NUP214: variants seen among roughly 807,000 people sequenced by gnomAD.
The protein encoded by NUP214 is nucleoporin 214.
In NUP214, 79 loss-of-function variants were observed where a neutral mutation model predicts 196.2. That is an observed-to-expected ratio of 0.40 (90% CI 0.34 to 0.49). The LOEUF (loss-of-function observed/expected upper bound fraction) is 0.49. Ranked by LOEUF, NUP214 falls within the 20% of genes least tolerant of loss-of-function variation. The pLI, the probability that NUP214 is intolerant of heterozygous loss-of-function variation, is 0.58. For missense variants in NUP214, 2,468 were observed against 2,539.0 expected (o/e 0.97, Z 0.60); for synonymous variants, 1,020 against 990.5 (o/e 1.03, Z -0.56).
intron 11 of NUP214, among the ~76,000 whole-genome samples, chr9:131,143,780 T>C (rs756595319): frequency 6.6e-6 from 1 of 152,160 alleles, no homozygotes; most frequent in Non-Finnish European, 1.5e-5. Context: ...AGCTATTTTT[T>C]ACACAAATCT....
chr9:131,218,582 A>C (rs1247429505), intron 31 of NUP214, among the ~76,000 whole-genome samples: 17 of 131,502 alleles, frequency 1.3e-4, no homozygotes, highest in African/African-American at 2.7e-4. Context: ...CAACCCCCGC[A>C]CTCCCCGCCC....
chr9:131,208,622 A>G (rs905239083), intron 30 of NUP214, among the ~76,000 whole-genome samples: 2 of 152,154 alleles, frequency 1.3e-5, no homozygotes, highest in African/African-American at 4.8e-5. Flanking sequence ...GCATGAACCC[A>G]GGAGGCAGAG....
At chr9:131,188,978 A>G (rs766359524) in intron 25 of NUP214, 75 bp from the exon 26 acceptor site, 33 of 1,009,224 alleles carry the variant, frequency 3.3e-5, no homozygotes, top group Non-Finnish European at 4.8e-5. Flanking sequence ...TTTTGTGTTT[A>G]CATTTTACAT....
chr9:131,221,024 A>G (rs761465911), intron 31 of NUP214, among the ~76,000 whole-genome samples: 2 of 152,216 alleles, frequency 1.3e-5, no homozygotes, highest in East Asian at 1.9e-4. Flanking sequence ...CATTGCTAGC[A>G]CTAACAAAGT....
intron 7 of NUP214, among the ~76,000 whole-genome samples, chr9:131,134,398 T>A (rs1364009007): frequency 1.3e-5 from 2 of 152,190 alleles, no homozygotes; most frequent in African/African-American, 4.8e-5. Flanking sequence ...TTGAAAAAGA[T>A]GTCTTGTTTT....
intron 11 of NUP214, among the ~76,000 whole-genome samples, chr9:131,142,213 G>A (rs1161167347): frequency 2.0e-5 from 3 of 152,190 alleles, no homozygotes. Flanking sequence ...TCTGTAATAA[G>A]CAGAGCAGCC....
intron 6 of NUP214, 92 bp from the exon 7 acceptor site, chr9:131,133,014 T>TA (rs1254078599): frequency 6.4e-6 from 6 of 930,548 alleles, no homozygotes; most frequent in African/African-American, 5.0e-5. Context: ...ATTTTTTTTT[T>TA]ATCCATAGTG....
chr9:131,200,081 A>G (rs1054968416), intron 29 of NUP214, among the ~76,000 whole-genome samples: 2 of 152,238 alleles, frequency 1.3e-5, no homozygotes, highest in Non-Finnish European at 2.9e-5. Flanking sequence ...AGTCCGTATC[A>G]CTACCACACC....
chr9:131,129,473 C>T lies in NUP214; in HGVS notation c.588C>T (p.Thr196=). The T allele has an allele frequency of 6.2e-7, 1 of 1,614,008 alleles. No individual in the cohort carries two copies. Among genetic ancestry groups the T allele is most frequent in the African/African-American group, 1.3e-5 (1 of 75,050 alleles). ...CATLPSTVAV[T]SVCWSPKGKQ... ...CTCTTCCTTCCACGGTAGCAGTAACCTCTGGTGAGTAATAAAGGCTTTCAC... is the reference window on the plus strand; with the variant it reads ...CTCTTCCTTCCACGGTAGCAGTAACTTCTGGTGAGTAATAAAGGCTTTCAC... The change falls in exon 4 of 36, where the codon ACC becomes ACT. Residue 196 remains threonine, a synonymous_variant. Transcript: ENST00000359428.
intron 7 of NUP214, among the ~76,000 whole-genome samples, chr9:131,134,527 A>G (rs1310729857): frequency 6.6e-6 from 1 of 152,114 alleles, no homozygotes. Flanking sequence ...GTATTTATTA[A>G]CTGCTACTTA....
At chr9:131,223,723 A>ATTTATTTATTTATTTT (rs1554742606) in intron 32 of NUP214, among the ~76,000 whole-genome samples, 7 of 18,968 alleles carry the variant, frequency 3.7e-4, no homozygotes, top group Admixed American at 1.0e-3. Context: ...TTATTTATTT[A>ATTTATTTATTTATTTT]TTTATTTTTT....
intron 8 of NUP214, among the ~76,000 whole-genome samples, chr9:131,135,637 C>T (rs540606137): frequency 2.6e-5 from 4 of 152,324 alleles, no homozygotes; most frequent in African/African-American, 9.6e-5. Context: ...AGCTTCCATC[C>T]CTCTAGCTAC....
At position 131,175,496 on chromosome 9, in the gene NUP214, C is replaced by A; in HGVS notation, c.3194C>A (p.Ala1065Asp). The change falls in exon 23 of 36, where the codon GCC becomes GAC. Residue 1065 changes from alanine (A) to aspartate (D), a missense_variant. Ala to Asp is a moderately radical substitution (Grantham distance 126). This residue lies in a region of NUP214 where 1,801 missense variants were observed against 1,779.4 expected (regional missense o/e 1.01). Coordinates refer to ENST00000359428, the MANE Select transcript of NUP214 (RefSeq NM_005085.4). ...TSASKIIPQG[A>D]DSTMLATKTV... ...GCTAGCAAAATTATTCCTCAAGGGG[C>A]CGATAGCACAATGCTTGCCACGAAA... is the stretch of plus-strand genomic sequence containing the variant. 5 of 1,614,212 alleles carry A rather than the reference C, an allele frequency of 3.1e-6. No homozygotes were observed. The highest frequency in any genetic ancestry group is 2.7e-5 in the African/African-American group (2 of 75,058).
chr9:131,186,607 G>GTGAT (rs1833455547), intron 24 of NUP214, among the ~76,000 whole-genome samples: 1 of 152,204 alleles, frequency 6.6e-6, no homozygotes, highest in South Asian at 2.1e-4. Context: ...ACTTTTGTGT[G>GTGAT]TGATTACACT....
Position 131,175,634 on chromosome 9 carries a change from G to T in NUP214, c.3319+13G>T. 1 of 1,613,770 alleles carries T rather than the reference G, an allele frequency of 6.2e-7. No individual in the cohort carries two copies. The highest frequency in any genetic ancestry group is 1.1e-5 in the South Asian group (1 of 91,022). ...AGTCAGGCACCAGGTAAAAGCTGTAGCCCCATACCTGTACAGAGGCTGATT... is the reference window on the plus strand; with the variant it reads ...AGTCAGGCACCAGGTAAAAGCTGTATCCCCATACCTGTACAGAGGCTGATT... On this transcript the variant is annotated intron_variant, in intron 23 of 35. Transcript: ENST00000359428.
At chr9:131,142,824 T>A (rs1472029815) in intron 11 of NUP214, among the ~76,000 whole-genome samples, 1 of 152,242 alleles carries the variant, frequency 6.6e-6, no homozygotes, top group African/African-American at 2.4e-5. Context: ...TATCTAAGTA[T>A]TACGTTGCAT....
intron 30 of NUP214, among the ~76,000 whole-genome samples, chr9:131,213,759 G>GTTGTTGTT (rs1342214387): frequency 2.3e-5 from 3 of 132,908 alleles, no homozygotes; most frequent in Non-Finnish European, 4.8e-5. Context: ...TACTGTTGTT[G>GTTGTTGTT]TTGTTGTTGT....
At chr9:131,220,900 C>T (rs1271086250) in intron 31 of NUP214, among the ~76,000 whole-genome samples, 1 of 152,230 alleles carries the variant, frequency 6.6e-6, no homozygotes, top group Non-Finnish European at 1.5e-5. Flanking sequence ...TGACTTCCCA[C>T]CACTGTCCCA....
intron 28 of NUP214, 106 bp from the exon 29 acceptor site, chr9:131,197,110 T>C (rs533154150): frequency 3.5e-5 from 52 of 1,489,792 alleles, no homozygotes; most frequent in Non-Finnish European, 4.6e-5. Context: ...ACCCTGACTC[T>C]GTAGAGGGAG....
Sources: gnomAD v4.1 joint callset for allele counts (sites outside exome capture counted in the v4.1 genomes callset) on GRCh38, gnomAD v4.1.1 for gene constraint, gnomAD v4.1.1 regional missense constraint, MANE v1.5 for transcripts, NCBI Gene and HGNC (gene_info 2026-07-23, HGNC 2026-07-21) for gene names.